CPA6: variants seen among roughly 807,000 people sequenced by gnomAD.
CPA6 encodes carboxypeptidase B.
A neutral mutation model predicts 63.3 loss-of-function variants in CPA6; 58 were observed. The ratio of observed to expected loss-of-function variants is 0.92; its 90% CI spans 0.74 to 1.14. The LOEUF (loss-of-function observed/expected upper bound fraction) is 1.14. CPA6 is among the 50% of genes most tolerant of loss of function. The probability of loss-of-function intolerance (pLI) is 0.00; values close to 1 mark genes in which losing one functional copy is unlikely to be tolerated. For missense variants in CPA6, 565 were observed against 526.6 expected (o/e 1.07, Z -0.71); for synonymous variants, 185 against 179.0 (o/e 1.03, Z -0.27).
chr8:67,539,122 G>C (rs1386518663), intron 2 of CPA6, among the ~76,000 whole-genome samples: 1 of 152,154 alleles, frequency 6.6e-6, no homozygotes, highest in African/African-American at 2.4e-5. Flanking sequence ...GTATGCTTTT[G>C]CAGTGGCTGG....
At chr8:67,562,327 G>A (rs1427085688) in intron 2 of CPA6, among the ~76,000 whole-genome samples, 2 of 152,106 alleles carry the variant, frequency 1.3e-5, no homozygotes, top group Non-Finnish European at 2.9e-5. Flanking sequence ...CAGTGTACTT[G>A]GGCACTCACA....
In CPA6 at chr8:67,593,096, G is replaced by A. The variant is rs372311946; in HGVS notation, c.192+31080C>T. On this transcript the variant is annotated intron_variant, in intron 2 of 10. Coordinates refer to ENST00000297770, the MANE Select transcript of CPA6 (RefSeq NM_020361.5). The stretch of plus-strand genomic sequence containing the variant: ...TCTGGTATGTTGTGTCTTTGTTCTC[G>A]TTGGTTTCAAAGAACATCTTTATTT... Among the ~76,000 whole-genome samples, 1,369 of 149,278 alleles carry A rather than the reference G, an allele frequency of 9.2e-3. 6 individuals are homozygous for A. Among genetic ancestry groups the A allele is most frequent in the Admixed American group, 0.012 (178 of 14,982 alleles).
At position 67,422,626 on chromosome 8, in the gene CPA6, C is replaced by G; in HGVS notation, c.1192G>C (p.Glu398Gln). The G allele has an allele frequency of 6.2e-7, 1 of 1,613,768 alleles. No individual in the cohort carries two copies. Among genetic ancestry groups the G allele is most frequent in the Non-Finnish European group, 8.5e-7 (1 of 1,179,932 alleles). ...KNGIPYAFAF[E>Q]LRDTGYFGFL... is the part of the protein sequence containing the mutation. ...CCAAAATATCCAGTGTCACGTAGTT[C>G]GAAAGCAAATGCATAAGGTATTCCA... Residue 398 changes from glutamate (E) to glutamine (Q), a missense_variant, in exon 11 of 11, where the codon GAA becomes CAA. Coordinates refer to ENST00000297770, the MANE Select transcript of CPA6 (RefSeq NM_020361.5).
At chr8:67,529,534 G>A (rs903086157) in intron 2 of CPA6, among the ~76,000 whole-genome samples, 1 of 152,138 alleles carries the variant, frequency 6.6e-6, no homozygotes, top group African/African-American at 2.4e-5. Flanking sequence ...TAGATAATGG[G>A]CCCTCCAATA....
At chr8:67,739,259 G>A (rs1390215668) in intron 1 of CPA6, among the ~76,000 whole-genome samples, 2 of 152,176 alleles carry the variant, frequency 1.3e-5, no homozygotes, top group Admixed American at 6.5e-5. Flanking sequence ...CAAAGCAGGA[G>A]GCCCCAACAC....
chr8:67,726,383 C>G (rs1817596445), intron 1 of CPA6, among the ~76,000 whole-genome samples: 1 of 152,080 alleles, frequency 6.6e-6, no homozygotes, highest in East Asian at 1.9e-4. Flanking sequence ...AAAAATAGCC[C>G]CTAGCCTTCT....
intron 6 of CPA6, among the ~76,000 whole-genome samples, chr8:67,499,436 T>C (rs1811788908): frequency 6.6e-6 from 1 of 152,206 alleles, no homozygotes; most frequent in Non-Finnish European, 1.5e-5. Flanking sequence ...AAACTTCTGA[T>C]TTGGAGATAA....
chr8:67,552,501 C>T (rs113602997), intron 2 of CPA6, among the ~76,000 whole-genome samples: 3,202 of 152,172 alleles, frequency 0.021, 53 homozygotes, highest in African/African-American at 0.041. Flanking sequence ...TGGCCGGGCA[C>T]GGTGGCTCAT....
At chr8:67,499,673 G>A (rs1393881213) in intron 6 of CPA6, among the ~76,000 whole-genome samples, 2 of 152,050 alleles carry the variant, frequency 1.3e-5, no homozygotes, top group Non-Finnish European at 2.9e-5. Flanking sequence ...CCCTAACCCT[G>A]AGCAGTCACT....
intron 1 of CPA6, among the ~76,000 whole-genome samples, chr8:67,634,831 C>G (rs2128988853): frequency 2.0e-5 from 3 of 151,598 alleles, no homozygotes; most frequent in Admixed American, 2.0e-4. Flanking sequence ...TGGGAAATAC[C>G]TAATTTATAG....
chr8:67,518,866 T>C (rs759535999), intron 2 of CPA6, among the ~76,000 whole-genome samples: 1 of 152,106 alleles, frequency 6.6e-6, no homozygotes, highest in Non-Finnish European at 1.5e-5. Context: ...CTTTCTCCAA[T>C]TCCTACTCAG....
At chr8:67,647,973 T>G (rs1274993300) in intron 1 of CPA6, among the ~76,000 whole-genome samples, 1 of 152,186 alleles carries the variant, frequency 6.6e-6, no homozygotes, top group East Asian at 1.9e-4. Context: ...ATATTGGGTA[T>G]CACTCTATGA....
At chr8:67,741,219 G>C (rs767866324) in intron 1 of CPA6, among the ~76,000 whole-genome samples, 1 of 152,206 alleles carries the variant, frequency 6.6e-6, no homozygotes, top group Non-Finnish European at 1.5e-5. Flanking sequence ...AGCAGACCCA[G>C]TACAAGTAGA....
chr8:67,587,953 G>A (rs1813991792), intron 2 of CPA6, among the ~76,000 whole-genome samples: 1 of 152,182 alleles, frequency 6.6e-6, no homozygotes, highest in Non-Finnish European at 1.5e-5. Context: ...GCCATTGGTT[G>A]AATGAATAGG....
At chr8:67,612,766 C>T (rs965271504) in intron 2 of CPA6, among the ~76,000 whole-genome samples, 1 of 152,172 alleles carries the variant, frequency 6.6e-6, no homozygotes, top group African/African-American at 2.4e-5. Context: ...GCAAAAGCTT[C>T]TCTGAATTTT....
intron 2 of CPA6, among the ~76,000 whole-genome samples, chr8:67,580,611 A>G (rs1285221996): frequency 1.3e-5 from 2 of 152,178 alleles, no homozygotes. Flanking sequence ...AATTGGAAAT[A>G]GTTCTTGAAA....
intron 1 of CPA6, among the ~76,000 whole-genome samples, chr8:67,703,285 G>A (rs1384652620): frequency 6.6e-6 from 1 of 152,144 alleles, no homozygotes; most frequent in Non-Finnish European, 1.5e-5. Context: ...TCACCCTGAT[G>A]GGTGGCTTGT....
chr8:67,463,894 T>A (rs567926787), intron 8 of CPA6, among the ~76,000 whole-genome samples: 1 of 152,376 alleles, frequency 6.6e-6, no homozygotes, highest in East Asian at 1.9e-4. Context: ...ATGGTATATA[T>A]GTATCACATT....
chr8:67,422,471 T>A lies in CPA6; in HGVS notation c.*33A>T. 1 of 1,590,952 alleles carries A rather than the reference T, an allele frequency of 6.3e-7. No homozygotes were observed. The highest frequency in any genetic ancestry group is 8.6e-7 in the Non-Finnish European group (1 of 1,163,684). On this transcript the variant is annotated 3_prime_UTR_variant, in exon 11 of 11. Transcript: ENST00000297770. Reference sequence around the variant, plus strand: ...AGGGCCAAGTAGGCCTTGCTCAGAATCCTATGGCAGTTGACCTGAGCCTTG... The same window carrying A: ...AGGGCCAAGTAGGCCTTGCTCAGAAACCTATGGCAGTTGACCTGAGCCTTG...
Sources: gnomAD v4.1 joint callset for allele counts (sites outside exome capture counted in the v4.1 genomes callset) on GRCh38, gnomAD v4.1.1 for gene constraint, MANE v1.5 for transcripts, NCBI Gene and HGNC (gene_info 2026-07-23, HGNC 2026-07-21) for gene names.